Variants in PIBF1 observed in about 807,000 individuals in gnomAD.
PIBF1 encodes progesterone-induced-blocking factor 1.
A neutral mutation model predicts 112.5 loss-of-function variants in PIBF1; 90 were observed. The observed-to-expected ratio is 0.80, with a 90% CI of 0.67 to 0.95. The LOEUF (loss-of-function observed/expected upper bound fraction) is 0.95, where lower values mean the gene tolerates loss of function less well. PIBF1 is among the 40% of genes least tolerant of loss of function. PIBF1 has a pLI of 0.00. For synonymous variants in PIBF1, 301 were observed against 288.6 expected, an observed-to-expected ratio of 1.04 and a Z score of -0.44; for missense variants, 915 against 852.3, an observed-to-expected ratio of 1.07 and a Z score of -0.92.
At chr13:72,950,328 C>A (rs936918121) in intron 14 of PIBF1, among the ~76,000 whole-genome samples, 2 of 152,120 alleles carry the variant, frequency 1.3e-5, no homozygotes, top group Non-Finnish European at 2.9e-5. Flanking sequence ...AAAAAAGGTA[C>A]CCCTCCAATT....
intron 16 of PIBF1, among the ~76,000 whole-genome samples, chr13:72,974,808 T>C (rs1220627055): frequency 6.6e-6 from 1 of 152,204 alleles, no homozygotes; most frequent in East Asian, 1.9e-4. Flanking sequence ...TTCTCTTGGG[T>C]AAATACCCAG....
At chr13:73,008,966 C>G (rs972091022) in intron 17 of PIBF1, among the ~76,000 whole-genome samples, 1 of 152,164 alleles carries the variant, frequency 6.6e-6, no homozygotes, top group Admixed American at 6.5e-5. Context: ...ATTGTTCAGT[C>G]TCTCACATAC....
chr13:72,917,134 T>C lies in PIBF1; in HGVS notation c.1698T>C (p.Val566=), dbSNP rs1338575925. 3 of 1,593,132 alleles carry C rather than the reference T, an allele frequency of 1.9e-6. No individual in the cohort carries two copies. The highest frequency in any genetic ancestry group is 2.6e-6 in the Non-Finnish European group (3 of 1,170,052). The change falls in exon 13 of 18, where the codon GTT becomes GTC. Residue 566 remains valine (V), a synonymous_variant. Coordinates refer to ENST00000326291, the MANE Select transcript of PIBF1 (RefSeq NM_006346.4). ...VLFSYGYGAN[V]PTTAKRRLKQ... ...TTTCCTACGGCTATGGTGCTAATGT[T>C]CCCACAACAGCCAAAAGACGACTAA...
intron 14 of PIBF1, 139 bp downstream of exon 14, chr13:72,931,406 A>G: frequency 2.9e-6 from 2 of 679,640 alleles, no homozygotes; most frequent in South Asian, 3.6e-5. Context: ...AACTAACTGA[A>G]TGTTAAGGCC....
intron 13 of PIBF1, among the ~76,000 whole-genome samples, chr13:72,917,835 A>G (rs938739485): frequency 1.3e-5 from 2 of 152,270 alleles, no homozygotes; most frequent in African/African-American, 2.4e-5. Context: ...TTTGTTAGGT[A>G]TTATAAGTAA....
At chr13:72,968,876 C>T (rs2042819007) in intron 15 of PIBF1, among the ~76,000 whole-genome samples, 1 of 151,448 alleles carries the variant, frequency 6.6e-6, no homozygotes, top group South Asian at 2.1e-4. Flanking sequence ...TTTGTCTCTA[C>T]AAAAAATACA....
intron 16 of PIBF1, among the ~76,000 whole-genome samples, chr13:72,994,415 C>T (rs552324578): frequency 6.6e-6 from 1 of 152,128 alleles, no homozygotes; most frequent in Admixed American, 6.5e-5. Context: ...CAAATAGGAA[C>T]CTAAATCAAT....
chr13:72,783,974 G>T (rs930640870), intron 2 of PIBF1, among the ~76,000 whole-genome samples: 3 of 151,368 alleles, frequency 2.0e-5, no homozygotes, highest in Admixed American at 2.0e-4. Context: ...AGTTGAATAG[G>T]AGGAATACAT....
intron 8 of PIBF1, among the ~76,000 whole-genome samples, chr13:72,834,510 C>T (rs2037264014): frequency 6.6e-6 from 1 of 152,098 alleles, no homozygotes; most frequent in African/African-American, 2.4e-5. Context: ...ACATGTAGTC[C>T]TGCCTACTCA....
intron 10 of PIBF1, among the ~76,000 whole-genome samples, chr13:72,855,104 G>T (rs553161377): frequency 6.6e-6 from 1 of 151,884 alleles, no homozygotes; most frequent in African/African-American, 2.4e-5. Flanking sequence ...AAATTTCTGC[G>T]TACCGTTCAC....
At chr13:72,892,810 G>GCACA (rs1555307885) in intron 10 of PIBF1, among the ~76,000 whole-genome samples, 5 of 117,576 alleles carry the variant, frequency 4.3e-5, no homozygotes, top group Non-Finnish European at 8.7e-5. Context: ...ACACACACAC[G>GCACA]CACACGCACA....
chr13:72,815,107 A>C (rs1392475892), intron 5 of PIBF1, among the ~76,000 whole-genome samples: 1 of 152,238 alleles, frequency 6.6e-6, no homozygotes, highest in Non-Finnish European at 1.5e-5. Flanking sequence ...TTGAAAAAGA[A>C]AGTTCTGAGA....
chr13:72,952,187 G>A (rs2042318542), intron 14 of PIBF1, among the ~76,000 whole-genome samples: 1 of 151,736 alleles, frequency 6.6e-6, no homozygotes, highest in South Asian at 2.1e-4. Flanking sequence ...CCAAATGGCT[G>A]GGATTACAGG....
chr13:72,812,274 C>G (rs2036057154), intron 5 of PIBF1, among the ~76,000 whole-genome samples: 1 of 152,046 alleles, frequency 6.6e-6, no homozygotes, highest in Non-Finnish European at 1.5e-5. Flanking sequence ...TAATTTTTAA[C>G]TTTATGATTT....
chr13:72,987,702 G>T (rs1322219522), intron 16 of PIBF1, among the ~76,000 whole-genome samples: 1 of 147,462 alleles, frequency 6.8e-6, no homozygotes, highest in African/African-American at 2.5e-5. Context: ...TTTTGAGAAG[G>T]GGTCTTGCTA....
intron 17 of PIBF1, among the ~76,000 whole-genome samples, chr13:73,003,306 G>A (rs2043932792): frequency 6.6e-6 from 1 of 151,960 alleles, no homozygotes; most frequent in South Asian, 2.1e-4. Flanking sequence ...AAGCTAGAGG[G>A]CAGTGGCATA....
At chr13:72,834,039 AT>A in intron 8 of PIBF1, among the ~76,000 whole-genome samples, 1 of 152,272 alleles carries the variant, frequency 6.6e-6, no homozygotes, top group Non-Finnish European at 1.5e-5. Context: ...TTGTGGCATA[AT>A]TTTTTAAATT....
intron 11 of PIBF1, among the ~76,000 whole-genome samples, chr13:72,896,944 A>C (rs1008996795): frequency 2.0e-5 from 3 of 152,218 alleles, no homozygotes; most frequent in Non-Finnish European, 4.4e-5. Flanking sequence ...GAGAAGCACC[A>C]AGAACACCTG....
chr13:72,827,025 T>G lies in PIBF1; in HGVS notation c.822T>G (p.Leu274=). The G allele has an allele frequency of 6.3e-7, 1 of 1,598,106 alleles. No homozygotes were observed. The highest frequency in any genetic ancestry group is 1.7e-4 in the Middle Eastern group (1 of 5,968). Residue 274 remains leucine, a synonymous_variant, in exon 7 of 18, where the codon CTT becomes CTG. Transcript: ENST00000326291. The part of the protein sequence containing the change: ...YDKVKSERDA[L]EQEVIELRRK... Reference sequence around the variant, plus strand: ...ATTTTAACAGTGAACGTGATGCACTTGAACAGGAAGTAATTGAGCTTAGGA... The same window carrying G: ...ATTTTAACAGTGAACGTGATGCACTGGAACAGGAAGTAATTGAGCTTAGGA...
Sources: gnomAD v4.1 joint callset for allele counts (sites outside exome capture counted in the v4.1 genomes callset) on GRCh38, gnomAD v4.1.1 for gene constraint, MANE v1.5 for transcripts, NCBI Gene and HGNC (gene_info 2026-07-23, HGNC 2026-07-21) for gene names.